The following CHD1L variants were observed in gnomAD, a reference collection of about 807,000 sequenced individuals.
CHD1L encodes the protein ATP-dependent chromatin remodeler CHD1L.
A neutral mutation model predicts 115.9 loss-of-function variants in CHD1L; 118 were observed. The observed-to-expected ratio is 1.02, with a 90% CI of 0.88 to 1.19. The LOEUF (loss-of-function observed/expected upper bound fraction) is 1.19, where lower values mean the gene tolerates loss of function less well. Ranked by LOEUF, CHD1L falls within the 50% of genes most tolerant of loss-of-function variation. The pLI is 0.00. For missense variants in CHD1L, 1,179 were observed against 1,065.3 expected (o/e 1.11, Z -1.49); for synonymous variants, 411 against 387.1 (o/e 1.06, Z -0.72).
the CHD1L span, among the ~76,000 whole-genome samples, chr1:147,229,674 T>A: frequency 1.3e-5 from 2 of 152,142 alleles, no homozygotes; most frequent in South Asian, 2.1e-4. Context: ...TTGTATCCTC[T>A]TTTATTTCAT....
chr1:147,286,612 G>T, intron 18 of CHD1L, 112 bp downstream of exon 18: 1 of 826,290 alleles, frequency 1.2e-6, no homozygotes, highest in South Asian at 1.8e-5. Context: ...GTATTGTACA[G>T]TCAAAAAAGT....
the CHD1L span, among the ~76,000 whole-genome samples, chr1:147,228,938 A>G: frequency 5.3e-3 from 805 of 151,774 alleles, 4 homozygotes; most frequent in Non-Finnish European, 8.9e-3. Flanking sequence ...GATTGCAAAA[A>G]TTTTCTCCCA....
chr1:147,232,483 CTCTCCCTCTCCCTCTCCCCATGG>C, the CHD1L span, among the ~76,000 whole-genome samples: 1 of 151,894 alleles, frequency 6.6e-6, no homozygotes, highest in Non-Finnish European at 1.5e-5. Flanking sequence ...CAACCTCTCC[CTCTCCCTCTCCCTCTCCCCATGG>C]TCTCCCTCTC....
chr1:147,251,535 A>G (rs1039400252), intron 1 of CHD1L, among the ~76,000 whole-genome samples: 2 of 151,988 alleles, frequency 1.3e-5, no homozygotes, highest in Admixed American at 6.6e-5. Context: ...ATTTATTTTT[A>G]TTATTATTTT....
chr1:147,218,402 A>AT, the CHD1L span, among the ~76,000 whole-genome samples: 3 of 135,660 alleles, frequency 2.2e-5, no homozygotes, highest in Non-Finnish European at 4.6e-5. Flanking sequence ...TGCCTGGCTA[A>AT]TTTTTTTTGT....
chr1:147,179,961 A>AAAAAGAAGAAAAGTGGT, the CHD1L span, among the ~76,000 whole-genome samples: 11 of 151,994 alleles, frequency 7.2e-5, no homozygotes, highest in Non-Finnish European at 1.2e-4. Flanking sequence ...TAAAAAAAAA[A>AAAAAGAAGAAAAGTGGT]AAAATAGGAA....
At chr1:147,185,599 A>G in the CHD1L span, among the ~76,000 whole-genome samples, 2 of 152,188 alleles carry the variant, frequency 1.3e-5, no homozygotes, top group Non-Finnish European at 2.9e-5. Flanking sequence ...TCACATTTCC[A>G]GTTCTCTTAC....
At chr1:147,221,456 A>T in the CHD1L span, among the ~76,000 whole-genome samples, 1 of 152,240 alleles carries the variant, frequency 6.6e-6, no homozygotes, top group Non-Finnish European at 1.5e-5. Flanking sequence ...ACATGTTTGT[A>T]CATAAGTGTA....
chr1:147,293,723 G>T lies in CHD1L; in HGVS notation c.2506+1G>T, dbSNP rs190149313. ...TTTTTAGCAGCAAAAAAGAAGAAAG[G>T]TAAGCTCTTCCACCTGTGCTCAAGA... On this transcript the variant is annotated splice_donor_variant, in intron 21 of 22. Transcript: ENST00000369258. LOFTEE classifies it high-confidence loss of function. 11 of 1,609,610 alleles carry T rather than the reference G, an allele frequency of 6.8e-6. No homozygotes were observed. The Admixed American group carries it at 1.7e-4, about 24-fold the overall frequency.
chr1:147,193,092 T>C, the CHD1L span, among the ~76,000 whole-genome samples: 1 of 152,176 alleles, frequency 6.6e-6, no homozygotes, highest in South Asian at 2.1e-4. Context: ...TGGTACCAGC[T>C]CCTCTTTGTA....
chr1:147,174,987 C>A, the CHD1L span: 1 of 152,146 alleles, frequency 6.6e-6, no homozygotes, highest in Non-Finnish European at 1.5e-5. Flanking sequence ...GCTAAAGAGA[C>A]CTCGCTTCCT....
chr1:147,250,244 T>A (rs1218653189), intron 1 of CHD1L, among the ~76,000 whole-genome samples: 8 of 152,192 alleles, frequency 5.3e-5, no homozygotes, highest in Non-Finnish European at 1.0e-4. Flanking sequence ...ACCTATTGAT[T>A]ATCTTTTTTC....
At chr1:147,201,242 T>C in the CHD1L span, 2 of 1,614,094 alleles carry the variant, frequency 1.2e-6, no homozygotes, top group Admixed American at 1.7e-5. Context: ...ATTGCAAGAG[T>C]TGGCCTTTCC....
the CHD1L span, among the ~76,000 whole-genome samples, chr1:147,199,049 C>G: frequency 0.037 from 5,606 of 151,894 alleles, 148 homozygotes; most frequent in South Asian, 0.095. Context: ...CTGCAAAAGA[C>G]GCAATCAAAA....
chr1:147,178,477 G>C, the CHD1L span: 1 of 1,611,876 alleles, frequency 6.2e-7, no homozygotes, highest in Non-Finnish European at 8.5e-7. Context: ...TAGGACTGCT[G>C]ATGGAATTGT....
At chr1:147,250,348 T>C (rs1668018838) in intron 1 of CHD1L, among the ~76,000 whole-genome samples, 1 of 152,202 alleles carries the variant, frequency 6.6e-6, no homozygotes, top group African/African-American at 2.4e-5. Context: ...TTAAACCTCC[T>C]GTTTGACTGT....
chr1:147,294,602 G>A, intron 22 of CHD1L, 85 bp downstream of exon 22: 3 of 1,057,218 alleles, frequency 2.8e-6, no homozygotes, highest in Non-Finnish European at 4.2e-6. Context: ...CTTAATCCAA[G>A]ACCAAGTTTC....
chr1:147,221,164 G>A, the CHD1L span, among the ~76,000 whole-genome samples: 1 of 152,054 alleles, frequency 6.6e-6, no homozygotes, highest in African/African-American at 2.4e-5. Flanking sequence ...AAATTTCATA[G>A]CCAAAAAGAG....
chr1:147,294,542 G>T lies in CHD1L; in HGVS notation c.2615+25G>T, dbSNP rs199808696. 3 of 1,560,492 alleles carry T rather than the reference G, an allele frequency of 1.9e-6. No homozygotes were observed. In the East Asian group the frequency reaches 6.9e-5, roughly 36 times the overall value. On this transcript the variant is annotated intron_variant, in intron 22 of 22. Coordinates refer to ENST00000369258, the MANE Select transcript of CHD1L (RefSeq NM_004284.6). ...TGTATCCTTTTGTGATCTTCATTGT[G>T]TGTTCTCCCAACCCAAGAGGGAAAA...
Sources: gnomAD v4.1 joint callset for allele counts (sites outside exome capture counted in the v4.1 genomes callset) on GRCh38, gnomAD v4.1.1 for gene constraint, MANE v1.5 for transcripts, NCBI Gene and HGNC (gene_info 2026-07-23, HGNC 2026-07-21) for gene names.